The following RUNX1 variants were observed in gnomAD, a reference collection of about 807,000 sequenced individuals.
The protein encoded by RUNX1 is RUNX family transcription factor 1, also known as runt-related transcription factor 1.
A neutral mutation model predicts 42.8 loss-of-function variants in RUNX1; 19 were observed. That is an observed-to-expected ratio of 0.44 (90% CI 0.31 to 0.65). RUNX1 has a LOEUF of 0.65. Ranked by LOEUF, RUNX1 falls within the 30% of genes least tolerant of loss-of-function variation. RUNX1 has a pLI of 0.07. For missense variants in RUNX1, 528 were observed against 672.0 expected (o/e 0.79, Z 2.37); for synonymous variants, 271 against 289.4 (o/e 0.94, Z 0.64).
intron 7 of RUNX1, among the ~76,000 whole-genome samples, chr21:34,809,495 ACACAG>A (rs2056728882): frequency 1.3e-5 from 2 of 152,060 alleles, no homozygotes; most frequent in African/African-American, 2.4e-5. Flanking sequence ...CCAGGACTGC[ACACAG>A]CTAAAGAAAC....
intron 2 of RUNX1, among the ~76,000 whole-genome samples, chr21:34,931,958 G>C (rs2146599059): frequency 6.6e-6 from 1 of 152,216 alleles, no homozygotes; most frequent in African/African-American, 2.4e-5. Flanking sequence ...GACAACATCT[G>C]AACTTTTAGG....
At chr21:35,033,122 CTCAT>C (rs55861161) in intron 2 of RUNX1, among the ~76,000 whole-genome samples, 2 of 151,480 alleles carry the variant, frequency 1.3e-5, no homozygotes, top group Admixed American at 6.6e-5. Context: ...CATCTGCTGG[CTCAT>C]TCATTCATTC....
intron 5 of RUNX1, among the ~76,000 whole-genome samples, chr21:34,870,334 C>T (rs992818711): frequency 6.6e-6 from 1 of 152,198 alleles, no homozygotes; most frequent in Non-Finnish European, 1.5e-5. Context: ...CTCTGTCTTC[C>T]CACAGACAAG....
chr21:34,977,448 T>C (rs1601628396), intron 2 of RUNX1, among the ~76,000 whole-genome samples: 1 of 152,364 alleles, frequency 6.6e-6, no homozygotes, highest in African/African-American at 2.4e-5. Context: ...ACCAAGCAGT[T>C]TGACAATCTT....
At chr21:35,012,668 C>G (rs1454425700) in intron 2 of RUNX1, among the ~76,000 whole-genome samples, 1 of 152,100 alleles carries the variant, frequency 6.6e-6, no homozygotes. Context: ...GGACATATGA[C>G]AAAATCTCTG....
chr21:34,887,884 TTC>T, intron 3 of RUNX1: 5 of 1,065,046 alleles, frequency 4.7e-6, no homozygotes, highest in Non-Finnish European at 5.7e-6. Context: ...TCTCAATGAA[TTC>T]TGTCAAAACG....
At chr21:34,870,094 C>T (rs1258316190) in intron 5 of RUNX1, among the ~76,000 whole-genome samples, 4 of 152,162 alleles carry the variant, frequency 2.6e-5, no homozygotes. Flanking sequence ...CCTTTCACGA[C>T]CACAGAACCG....
At chr21:34,928,813 G>T (rs929947704) in intron 2 of RUNX1, among the ~76,000 whole-genome samples, 11 of 152,208 alleles carry the variant, frequency 7.2e-5, no homozygotes, top group African/African-American at 2.6e-4. Context: ...CACAGCTGTG[G>T]TCAGTGTCCA....
At chr21:34,822,931 A>G (rs990035864) in intron 7 of RUNX1, among the ~76,000 whole-genome samples, 3 of 152,064 alleles carry the variant, frequency 2.0e-5, no homozygotes, top group Non-Finnish European at 4.4e-5. Context: ...CTCCCTTTTT[A>G]TCTTGAGATG....
In RUNX1 at chr21:34,952,777, G is replaced by A. The variant is rs59701678; in HGVS notation, c.59-59814C>T. Among the ~76,000 whole-genome samples, 964 of 152,230 alleles carry A rather than the reference G, an allele frequency of 6.3e-3. 10 individuals carry two copies. Among genetic ancestry groups the A allele is most frequent in the South Asian group, 0.031 (150 of 4,816 alleles). On this transcript the variant is annotated intron_variant, in intron 2 of 8. Transcript: ENST00000675419. ...TTTCAGGTCATAATTACTGTTTGCTGGGAACATACTGGGTACTGGTGTTAG... is the reference window on the plus strand; with the variant it reads ...TTTCAGGTCATAATTACTGTTTGCTAGGAACATACTGGGTACTGGTGTTAG...
intron 5 of RUNX1, among the ~76,000 whole-genome samples, chr21:34,866,354 G>A (rs573603469): frequency 6.6e-6 from 1 of 152,188 alleles, no homozygotes; most frequent in Non-Finnish European, 1.5e-5. Context: ...GTCAGTGAAG[G>A]CTCAGGTTCT....
At chr21:34,886,390 C>T (rs768872605) in intron 4 of RUNX1, among the ~76,000 whole-genome samples, 1 of 152,210 alleles carries the variant, frequency 6.6e-6, no homozygotes, top group Non-Finnish European at 1.5e-5. Context: ...TTTCTTTTCA[C>T]TGACTTGAAG....
At chr21:34,887,600 C>A in intron 3 of RUNX1, 2 of 1,089,956 alleles carry the variant, frequency 1.8e-6, no homozygotes, top group South Asian at 3.9e-5. Context: ...AATTATCTCC[C>A]GTAACAAGGC....
chr21:34,945,538 A>G (rs1364479101), intron 2 of RUNX1, among the ~76,000 whole-genome samples: 1 of 152,124 alleles, frequency 6.6e-6, no homozygotes, highest in African/African-American at 2.4e-5. Context: ...CTCTCCTGAA[A>G]TTGCTTTCTC....
chr21:34,946,621 G>C (rs936343385), intron 2 of RUNX1, among the ~76,000 whole-genome samples: 1 of 152,182 alleles, frequency 6.6e-6, no homozygotes, highest in South Asian at 2.1e-4. Flanking sequence ...AGCAACAGGT[G>C]GTTGATGAAT....
intron 2 of RUNX1, among the ~76,000 whole-genome samples, chr21:34,904,947 C>A (rs2058206272): frequency 6.6e-6 from 1 of 151,278 alleles, no homozygotes; most frequent in African/African-American, 2.5e-5. Flanking sequence ...TAACCAAAAA[C>A]ACCAAATAAT....
intron 2 of RUNX1, among the ~76,000 whole-genome samples, chr21:34,977,490 G>A (rs925745622): frequency 6.6e-6 from 1 of 152,202 alleles, no homozygotes; most frequent in African/African-American, 2.4e-5. Flanking sequence ...GTCACTCCAA[G>A]ACTCCTATCA....
At chr21:35,022,107 T>C (rs2059202410) in intron 2 of RUNX1, among the ~76,000 whole-genome samples, 1 of 152,228 alleles carries the variant, frequency 6.6e-6, no homozygotes, top group African/African-American at 2.4e-5. Context: ...CCCTCCAGAC[T>C]GAACACGGGC....
chr21:34,919,716 T>G (rs913994165), intron 2 of RUNX1, among the ~76,000 whole-genome samples: 4 of 152,230 alleles, frequency 2.6e-5, no homozygotes, highest in African/African-American at 9.6e-5. Flanking sequence ...ATTCAGGAAG[T>G]GGCATGCATT....
Sources: allele counts gnomAD v4.1 joint callset (sites outside exome capture counted in the v4.1 genomes callset), GRCh38; gene constraint gnomAD v4.1.1; transcripts MANE v1.5; gene names NCBI Gene and HGNC (gene_info 2026-07-23, HGNC 2026-07-21).